The following FBXL17 variants were observed in gnomAD, a reference collection of about 807,000 sequenced individuals.
FBXL17 encodes the protein F-box/LRR-repeat protein 17.
FBXL17 carries 22 observed loss-of-function variants against 66.2 expected under a neutral mutation model. The observed-to-expected ratio is 0.33, with a 90% CI of 0.24 to 0.47. The LOEUF (loss-of-function observed/expected upper bound fraction) is 0.47. Ranked by LOEUF, FBXL17 falls within the 20% of genes least tolerant of loss-of-function variation. FBXL17 has a pLI of 1.00. For missense variants in FBXL17, 878 were observed against 948.2 expected (o/e 0.93, Z 0.97); for synonymous variants, 474 against 400.5 (o/e 1.18, Z -2.19).
At chr5:108,379,458 G>T (rs1285563079) in intron 1 of FBXL17, among the ~76,000 whole-genome samples, 1 of 152,040 alleles carries the variant, frequency 6.6e-6, no homozygotes, top group Non-Finnish European at 1.5e-5. Flanking sequence ...ACAAGGAAAT[G>T]TAAGTTTTCC....
At chr5:108,362,312 A>C (rs1748393427) in intron 3 of FBXL17, among the ~76,000 whole-genome samples, 1 of 152,200 alleles carries the variant, frequency 6.6e-6, no homozygotes, top group Non-Finnish European at 1.5e-5. Flanking sequence ...CTGGAGTGTT[A>C]AACTGCTAAA....
chr5:108,048,198 C>T (rs1483257731), intron 6 of FBXL17, among the ~76,000 whole-genome samples: 2 of 152,038 alleles, frequency 1.3e-5, no homozygotes, highest in Non-Finnish European at 2.9e-5. Flanking sequence ...CTGAAGCAGC[C>T]CTACAGGAGA....
intron 5 of FBXL17, among the ~76,000 whole-genome samples, chr5:108,219,236 G>T (rs1754742179): frequency 6.6e-6 from 1 of 152,174 alleles, no homozygotes; most frequent in Non-Finnish European, 1.5e-5. Flanking sequence ...GAAGTCATCT[G>T]GGATGGGAGT....
chr5:108,197,481 C>T (rs1462586056), intron 5 of FBXL17, among the ~76,000 whole-genome samples: 1 of 152,096 alleles, frequency 6.6e-6, no homozygotes, highest in East Asian at 1.9e-4. Flanking sequence ...GATCACACTT[C>T]AAAGGGTGAA....
At chr5:108,319,271 A>G (rs1759509920) in intron 4 of FBXL17, among the ~76,000 whole-genome samples, 1 of 151,910 alleles carries the variant, frequency 6.6e-6, no homozygotes, top group East Asian at 1.9e-4. Flanking sequence ...CCATTAAAAC[A>G]GCATTAATTA....
intron 4 of FBXL17, among the ~76,000 whole-genome samples, chr5:108,310,417 C>G (rs1759061061): frequency 6.6e-6 from 1 of 152,108 alleles, no homozygotes; most frequent in South Asian, 2.1e-4. Context: ...TGTTTTTAAT[C>G]TTCTGTCCCA....
intron 4 of FBXL17, among the ~76,000 whole-genome samples, chr5:108,334,533 A>G (rs953801033): frequency 7.9e-5 from 12 of 152,204 alleles, no homozygotes; most frequent in African/African-American, 2.9e-4. Context: ...ACAATTTTCA[A>G]TTCAGTTTCT....
chr5:108,105,153 A>G (rs75974000), intron 6 of FBXL17, among the ~76,000 whole-genome samples: 9 of 152,180 alleles, frequency 5.9e-5, no homozygotes, highest in African/African-American at 2.2e-4. Flanking sequence ...GATTTTTTTA[A>G]TGTATGAATT....
chr5:108,356,140 G>A (rs1747971703), intron 3 of FBXL17, among the ~76,000 whole-genome samples: 1 of 152,032 alleles, frequency 6.6e-6, no homozygotes, highest in African/African-American at 2.4e-5. Context: ...AGTGATAAAG[G>A]GGGACATGAC....
chr5:108,028,418 G>C (rs1477092135), intron 6 of FBXL17, among the ~76,000 whole-genome samples: 1 of 152,086 alleles, frequency 6.6e-6, no homozygotes, highest in Non-Finnish European at 1.5e-5. Flanking sequence ...GTTCAACAGA[G>C]CATGTATTTT....
intron 6 of FBXL17, among the ~76,000 whole-genome samples, chr5:108,084,944 T>C (rs970146669): frequency 2.0e-5 from 3 of 152,236 alleles, no homozygotes; most frequent in Non-Finnish European, 1.5e-5. Context: ...GTTTTTCTTT[T>C]CTCTTTGGAG....
intron 5 of FBXL17, among the ~76,000 whole-genome samples, chr5:108,187,526 G>A (rs535380660): frequency 5.9e-5 from 9 of 152,002 alleles, no homozygotes; most frequent in African/African-American, 2.2e-4. Flanking sequence ...TGAAATGGAA[G>A]ATAACAGGAG....
chr5:107,948,920 G>A (rs1751403855), intron 7 of FBXL17, among the ~76,000 whole-genome samples: 1 of 152,190 alleles, frequency 6.6e-6, no homozygotes. Context: ...CGCTCTGTGT[G>A]TAACACTAAG....
intron 7 of FBXL17, among the ~76,000 whole-genome samples, chr5:107,904,849 C>T (rs1749699254): frequency 1.3e-5 from 2 of 151,932 alleles, no homozygotes; most frequent in South Asian, 2.1e-4. Context: ...GATTTTTTAA[C>T]TCCAGGAGTG....
At chr5:107,889,396 T>C (rs1749117334) in intron 7 of FBXL17, among the ~76,000 whole-genome samples, 1 of 152,144 alleles carries the variant, frequency 6.6e-6, no homozygotes, top group African/African-American at 2.4e-5. Context: ...AAACTCTGAA[T>C]CCCTGAAAAT....
At chr5:108,338,159 G>C (rs1746633587) in intron 4 of FBXL17, among the ~76,000 whole-genome samples, 1 of 149,988 alleles carries the variant, frequency 6.7e-6, no homozygotes, top group African/African-American at 2.5e-5. Flanking sequence ...AAAAGATATA[G>C]AAGTTTTATC....
At chr5:108,114,260 T>C (rs1426898725) in intron 6 of FBXL17, among the ~76,000 whole-genome samples, 3 of 152,234 alleles carry the variant, frequency 2.0e-5, no homozygotes, top group African/African-American at 7.2e-5. Flanking sequence ...TTATTGTGCA[T>C]AGTAACCATT....
chr5:108,366,281 CTG>C (rs1397283769), intron 2 of FBXL17, among the ~76,000 whole-genome samples: 1 of 152,020 alleles, frequency 6.6e-6, no homozygotes, highest in African/African-American at 2.4e-5. Flanking sequence ...TCTACATATT[CTG>C]TGCCCAATCA....
chr5:108,066,436 G>GACTT (rs988001666), intron 6 of FBXL17, among the ~76,000 whole-genome samples: 8 of 151,672 alleles, frequency 5.3e-5, no homozygotes, highest in African/African-American at 1.9e-4. Flanking sequence ...TTTATTGAAA[G>GACTT]ACTTAAAATG....
Sources: gnomAD v4.1 joint callset for allele counts (sites outside exome capture counted in the v4.1 genomes callset) on GRCh38, gnomAD v4.1.1 for gene constraint, MANE v1.5 for transcripts, NCBI Gene and HGNC (gene_info 2026-07-23, HGNC 2026-07-21) for gene names.